The following CRB1 variants were observed in gnomAD, a reference collection of about 807,000 sequenced individuals.
The protein encoded by CRB1 is protein crumbs homolog 1.
In CRB1, 83 loss-of-function variants were observed where a neutral mutation model predicts 120.0. The observed-to-expected ratio is 0.69, with a 90% CI of 0.58 to 0.83. The LOEUF is 0.83. CRB1 is among the 40% of genes least tolerant of loss of function. CRB1 has a pLI of 0.00. For missense variants in CRB1, 1,699 were observed against 1,687.6 expected (o/e 1.01, Z -0.12); for synonymous variants, 625 against 612.5 (o/e 1.02, Z -0.30).
chr1:197,426,786 G>A (rs1026896141), intron 6 of CRB1, among the ~76,000 whole-genome samples: 1 of 152,092 alleles, frequency 6.6e-6, no homozygotes, highest in Non-Finnish European at 1.5e-5. Context: ...TATGTGAGAT[G>A]TCATCCCAAG....
intron 4 of CRB1, among the ~76,000 whole-genome samples, chr1:197,355,853 T>C (rs2821120): frequency 0.19 from 29,427 of 152,164 alleles, 5,195 homozygotes; most frequent in African/African-American, 0.47. Flanking sequence ...AATGCAACGG[T>C]GGGCTGAAGG....
chr1:197,290,265 C>CGTGTGTGT (rs10540136), intron 1 of CRB1, among the ~76,000 whole-genome samples: 10,651 of 136,840 alleles, frequency 0.078, 673 homozygotes, highest in African/African-American at 0.17. Context: ...TGTTCCCTTT[C>CGTGTGTGT]GTGTGTGTGT....
chr1:197,279,665 T>C (rs1655412652), intron 1 of CRB1, among the ~76,000 whole-genome samples: 2 of 151,698 alleles, frequency 1.3e-5, no homozygotes, highest in Non-Finnish European at 2.9e-5. Flanking sequence ...AAGTTCAGAA[T>C]AGCCATAGAA....
chr1:197,226,774 G>A, the CRB1 span, among the ~76,000 whole-genome samples: 1 of 152,146 alleles, frequency 6.6e-6, no homozygotes, highest in African/African-American at 2.4e-5. Context: ...GGAAGAAAAA[G>A]AAGTTTAATT....
chr1:197,290,400 G>A (rs1034184517), intron 1 of CRB1, among the ~76,000 whole-genome samples: 5 of 151,344 alleles, frequency 3.3e-5, no homozygotes, highest in Non-Finnish European at 5.9e-5. Flanking sequence ...GATGTGAAAG[G>A]ACAGGAAGTC....
chr1:197,459,629 T>C (rs1666433286), intron 11 of CRB1, among the ~76,000 whole-genome samples: 1 of 152,108 alleles, frequency 6.6e-6, no homozygotes, highest in South Asian at 2.1e-4. Flanking sequence ...TACGGTGACA[T>C]TGGCGATTAG....
chr1:197,282,041 ATAAAAT>A (rs1378972400), intron 1 of CRB1, among the ~76,000 whole-genome samples: 1 of 151,452 alleles, frequency 6.6e-6, no homozygotes, highest in African/African-American at 2.4e-5. Context: ...ATTTTTATAA[ATAAAAT>A]ATAAGCTATT....
chr1:197,358,596 C>T (rs1018343802), intron 5 of CRB1, among the ~76,000 whole-genome samples: 18 of 152,190 alleles, frequency 1.2e-4, no homozygotes, highest in Non-Finnish European at 2.2e-4. Context: ...AAACTGGGTT[C>T]CCATCATCAG....
chr1:197,381,127 C>T (rs2125400206), intron 5 of CRB1, among the ~76,000 whole-genome samples: 1 of 152,246 alleles, frequency 6.6e-6, no homozygotes, highest in Non-Finnish European at 1.5e-5. Context: ...CAATACCACT[C>T]TAGGGCCTTC....
In CRB1 at chr1:197,421,217, C is replaced by A. The variant is rs985484481; in HGVS notation, c.1389C>A (p.Gly463=). Residue 463 remains glycine (G), a synonymous_variant, in exon 6 of 12, where the codon GGC becomes GGA. Coordinates refer to ENST00000367400, the MANE Select transcript of CRB1 (RefSeq NM_201253.3). The stretch of plus-strand genomic sequence containing the variant: ...CATGCATCCCTCACTTCCAAGATGG[C>A]CAGCATGGATTCAGCTGCCTATGTC... ...NGTCIPHFQD[G]QHGFSCLCPS... is the part of the protein sequence containing the mutation. 5 of 1,614,068 alleles carry A rather than the reference C, an allele frequency of 3.1e-6. No homozygotes were observed. In the African/African-American group the frequency reaches 5.3e-5, roughly 17 times the overall value.
In CRB1 at chr1:197,356,936, G is replaced by T. The variant is rs777528044; in HGVS notation, c.1094G>T (p.Arg365Leu). 1 of 1,614,134 alleles carries T rather than the reference G, an allele frequency of 6.2e-7. No homozygotes were observed. The highest frequency in any genetic ancestry group is 1.1e-5 in the South Asian group (1 of 91,088). ...CTGTCCTCAGAGAAACAATATGGAC[G>T]CATCACTGGACTGCCTTCTTCTTTC... ...VELSSEKQYGRITGLPSSFSY... is the reference protein window; with the variant it reads ...VELSSEKQYGLITGLPSSFSY... The change falls in exon 5 of 12, where the codon CGC becomes CTC. Residue 365 changes from arginine (R) to leucine (L), a missense_variant. Coordinates refer to ENST00000367400, the MANE Select transcript of CRB1 (RefSeq NM_201253.3).
chr1:197,352,716 C>CT (rs1660176630), intron 4 of CRB1, among the ~76,000 whole-genome samples: 2 of 134,634 alleles, frequency 1.5e-5, no homozygotes, highest in South Asian at 4.6e-4. Context: ...CTTTTTGACT[C>CT]TAAGTTTCTT....
At chr1:197,254,455 AGTGTCACC>A in the CRB1 span, among the ~76,000 whole-genome samples, 11 of 152,086 alleles carry the variant, frequency 7.2e-5, no homozygotes, top group Non-Finnish European at 1.5e-5. Flanking sequence ...TTTTCTTAGT[AGTGTCACC>A]GTGATTTATG....
intron 5 of CRB1, among the ~76,000 whole-genome samples, chr1:197,405,908 G>A (rs1663357470): frequency 6.6e-6 from 1 of 151,614 alleles, no homozygotes; most frequent in African/African-American, 2.4e-5. Context: ...AAGGAGGTGG[G>A]GGTCAGCCCC....
the CRB1 span, among the ~76,000 whole-genome samples, chr1:197,251,256 TA>T: frequency 6.6e-6 from 1 of 152,054 alleles, no homozygotes. Flanking sequence ...AATTAATATA[TA>T]AAATACTTAA....
intron 11 of CRB1, among the ~76,000 whole-genome samples, chr1:197,470,895 A>C (rs1023865771): frequency 7.9e-5 from 12 of 152,244 alleles, no homozygotes; most frequent in African/African-American, 2.7e-4. Flanking sequence ...GTCAAATCTC[A>C]GTGTCACTGG....
intron 1 of CRB1, among the ~76,000 whole-genome samples, chr1:197,314,609 G>C (rs1657737310): frequency 6.6e-6 from 1 of 152,074 alleles, no homozygotes; most frequent in African/African-American, 2.4e-5. Context: ...AAAAGATTTG[G>C]AATTTTGTTC....
intron 5 of CRB1, among the ~76,000 whole-genome samples, chr1:197,388,002 A>C (rs10922214): frequency 0.72 from 104,751 of 145,590 alleles, 38,515 homozygotes; most frequent in East Asian, 0.82. Context: ...CTCTCTCTCT[A>C]TATATATATA....
At chr1:197,370,583 A>C (rs1446547756) in intron 5 of CRB1, among the ~76,000 whole-genome samples, 1 of 152,232 alleles carries the variant, frequency 6.6e-6, no homozygotes, top group Non-Finnish European at 1.5e-5. Context: ...TCAACAATGA[A>C]ATCAAGAAGG....
Sources: allele counts gnomAD v4.1 joint callset (sites outside exome capture counted in the v4.1 genomes callset), GRCh38; gene constraint gnomAD v4.1.1; transcripts MANE v1.5; gene names NCBI Gene and HGNC (gene_info 2026-07-23, HGNC 2026-07-21).